Variants in EXT1 observed in about 807,000 individuals in gnomAD.
The protein encoded by EXT1 is exostosin glycosyltransferase 1.
Under a neutral mutation model 82.5 loss-of-function variants are expected in EXT1, and 20 were observed. The observed-to-expected ratio is 0.24, with a 90% CI of 0.17 to 0.35. EXT1 has a LOEUF of 0.35. Ranked by LOEUF, EXT1 falls within the 10% of genes least tolerant of loss-of-function variation. The pLI is 1.00. For missense variants in EXT1, 757 were observed against 936.5 expected, an observed-to-expected ratio of 0.81 and a Z score of 2.50; for synonymous variants, 348 against 350.8, an observed-to-expected ratio of 0.99 and a Z score of 0.09.
intron 5 of EXT1, among the ~76,000 whole-genome samples, chr8:117,820,060 T>C (rs1457744702): frequency 6.6e-6 from 1 of 152,220 alleles, no homozygotes; most frequent in Admixed American, 6.5e-5. Context: ...TGGTGATGTT[T>C]CTGTGATGTC....
At chr8:117,863,379 T>C (rs1163548739) in intron 1 of EXT1, among the ~76,000 whole-genome samples, 3 of 151,432 alleles carry the variant, frequency 2.0e-5, no homozygotes, top group Non-Finnish European at 2.9e-5. Flanking sequence ...AAGGTGACTC[T>C]GTATATTTTG....
At chr8:117,981,567 G>C (rs1033773372) in intron 1 of EXT1, among the ~76,000 whole-genome samples, 2 of 152,160 alleles carry the variant, frequency 1.3e-5, no homozygotes, top group Admixed American at 6.5e-5. Context: ...TCTTGAAAAA[G>C]TACTTTCTGC....
At chr8:117,824,111 G>GTT (rs139720552) in intron 4 of EXT1, among the ~76,000 whole-genome samples, 3 of 150,762 alleles carry the variant, frequency 2.0e-5, no homozygotes, top group African/African-American at 7.3e-5. Flanking sequence ...TCCTTTTTTT[G>GTT]TTTTTTTCTT....
At chr8:118,053,800 A>G (rs978969045) in intron 1 of EXT1, among the ~76,000 whole-genome samples, 1 of 152,168 alleles carries the variant, frequency 6.6e-6, no homozygotes, top group Middle Eastern at 3.2e-3. Flanking sequence ...GCTCTGAACC[A>G]TGTTACTTCT....
intron 3 of EXT1, among the ~76,000 whole-genome samples, chr8:117,835,210 T>C (rs972887200): frequency 2.6e-5 from 4 of 152,108 alleles, no homozygotes; most frequent in African/African-American, 4.8e-5. Flanking sequence ...AAATCAAAGC[T>C]CCCATTCTTT....
chr8:117,810,287 G>A (rs1035192353), intron 8 of EXT1, among the ~76,000 whole-genome samples: 4 of 152,146 alleles, frequency 2.6e-5, no homozygotes, highest in Non-Finnish European at 5.9e-5. Flanking sequence ...GAAAAGAAAA[G>A]TGAACCAACA....
At chr8:118,046,971 G>A (rs894626474) in intron 1 of EXT1, among the ~76,000 whole-genome samples, 16 of 152,290 alleles carry the variant, frequency 1.1e-4, no homozygotes, top group Middle Eastern at 3.4e-3. Context: ...GCCAGATTTG[G>A]AATGGTGTGT....
At chr8:117,820,757 A>C (rs948708567) in intron 5 of EXT1, among the ~76,000 whole-genome samples, 10 of 152,168 alleles carry the variant, frequency 6.6e-5, no homozygotes, top group Non-Finnish European at 1.5e-4. Context: ...ACAAATGACA[A>C]GTACTCAATA....
chr8:118,081,332 C>T (rs190293857), intron 1 of EXT1, among the ~76,000 whole-genome samples: 8 of 152,136 alleles, frequency 5.3e-5, no homozygotes, highest in Admixed American at 1.3e-4. Flanking sequence ...TGCTGAATGT[C>T]AATTCTGCAT....
chr8:117,890,530 T>C (rs557667386), intron 1 of EXT1, among the ~76,000 whole-genome samples: 10 of 152,190 alleles, frequency 6.6e-5, no homozygotes, highest in Admixed American at 1.3e-4. Context: ...ATTAAACTCA[T>C]AGTAGGCAGG....
intron 1 of EXT1, among the ~76,000 whole-genome samples, chr8:117,913,306 A>C (rs1813687279): frequency 6.6e-6 from 1 of 152,100 alleles, no homozygotes; most frequent in African/African-American, 2.4e-5. Context: ...CTTCGCTAGA[A>C]ATTAACATCA....
intron 1 of EXT1, among the ~76,000 whole-genome samples, chr8:117,971,342 A>G (rs1479476007): frequency 6.6e-6 from 1 of 152,204 alleles, no homozygotes; most frequent in Non-Finnish European, 1.5e-5. Flanking sequence ...TGGAAATTAT[A>G]TGATAAACTT....
intron 5 of EXT1, among the ~76,000 whole-genome samples, chr8:117,821,515 T>C (rs1043001232): frequency 7.2e-5 from 11 of 152,218 alleles, no homozygotes; most frequent in Admixed American, 6.5e-4. Flanking sequence ...TACCCAAATG[T>C]CAACAATATA....
intron 7 of EXT1, among the ~76,000 whole-genome samples, chr8:117,813,779 G>A (rs893935846): frequency 1.1e-4 from 17 of 152,158 alleles, no homozygotes; most frequent in African/African-American, 4.1e-4. Context: ...GCTGAGGTGG[G>A]TGGATCACTT....
At position 117,797,403 on chromosome 8, in the gene EXT1, T is replaced by C. The variant is rs1207364670; in HGVS notation, c.*2309A>G. On this transcript the variant is annotated 3_prime_UTR_variant, in exon 11 of 11. Transcript: ENST00000378204. ...TAACACATGTTGTTTGTGGAGGATA[T>C]GTGTTGTGAGCTTGGTGACAGGTCA... 1.3e-5 allele frequency: 2 copies of C among 152,256 alleles called. No homozygotes were observed. The highest frequency in any genetic ancestry group is 2.9e-5 in the Non-Finnish European group (2 of 68,050). The allele number at this position is 152,256 out of a possible 1,614,324, so 9.4% of individuals were successfully genotyped here. A position where few individuals can be genotyped will look rare whatever the true frequency, so the allele number is the denominator to read the frequency against.
chr8:118,090,565 G>A (rs1023676714), intron 1 of EXT1, among the ~76,000 whole-genome samples: 2 of 151,790 alleles, frequency 1.3e-5, no homozygotes, highest in Non-Finnish European at 2.9e-5. Context: ...AACACCTAAG[G>A]TCAGGAGTTC....
intron 1 of EXT1, among the ~76,000 whole-genome samples, chr8:117,839,614 A>C (rs17430273): frequency 0.09 from 13,738 of 152,192 alleles, 797 homozygotes; most frequent in African/African-American, 0.17. Flanking sequence ...CAGCCTCTCT[A>C]TTCTACTCTC....
At chr8:117,809,245 T>TATATATATATATATATATATATATATA (rs1563874289) in intron 8 of EXT1, among the ~76,000 whole-genome samples, 1 of 66,050 alleles carries the variant, frequency 1.5e-5, no homozygotes, top group Non-Finnish European at 3.8e-5. Flanking sequence ...ATATATATAT[T>TATATATATATATATATATATATATATA]ATGTTCTATT....
chr8:117,850,274 G>A lies in EXT1; in HGVS notation c.963-13073C>T, dbSNP rs146026687. On this transcript the variant is annotated intron_variant, in intron 1 of 10. Coordinates refer to ENST00000378204, the MANE Select transcript of EXT1 (RefSeq NM_000127.3). The stretch of plus-strand genomic sequence containing the variant: ...CCTTTGTTGAGTCGTTGACAGCTCC[G>A]CTGTGTGTCAGATAGATAGCTGCTA... 5.2e-3 allele frequency among the ~76,000 whole-genome samples: 796 copies of A among 152,334 alleles called. 6 individuals are homozygous for A. Among genetic ancestry groups the A allele is most frequent in the Non-Finnish European group, 9.0e-3 (613 of 68,042 alleles).
Sources: allele counts gnomAD v4.1 joint callset (sites outside exome capture counted in the v4.1 genomes callset), GRCh38; gene constraint gnomAD v4.1.1; transcripts MANE v1.5; gene names NCBI Gene and HGNC (gene_info 2026-07-23, HGNC 2026-07-21).